Variants in SUMF1 observed in about 807,000 individuals in gnomAD.
SUMF1 encodes the protein sulfatase modifying factor 1.
Under a neutral mutation model 47.6 loss-of-function variants are expected in SUMF1, and 48 were observed. The observed-to-expected ratio is 1.01, with a 90% confidence interval of 0.80 to 1.28. The LOEUF (loss-of-function observed/expected upper bound fraction) is 1.28, where lower values mean the gene tolerates loss of function less well. Among genes scored for constraint, SUMF1 ranks in the 50% most tolerant of loss-of-function variants. The pLI is 0.00. For missense variants in SUMF1, 571 were observed against 485.4 expected, an observed-to-expected ratio of 1.18 and a Z score of -1.66; for synonymous variants, 230 against 192.1, an observed-to-expected ratio of 1.20 and a Z score of -1.63.
chr3:4,368,632 A>G (rs1324171571), intron 8 of SUMF1, among the ~76,000 whole-genome samples: 1 of 152,186 alleles, frequency 6.6e-6, no homozygotes, highest in Non-Finnish European at 1.5e-5. Flanking sequence ...TGTGGCACAT[A>G]TACACCATGG....
chr3:4,383,274 G>A (rs532347538), intron 7 of SUMF1, among the ~76,000 whole-genome samples: 2 of 152,146 alleles, frequency 1.3e-5, no homozygotes, highest in African/African-American at 4.8e-5. Flanking sequence ...AGCTTTTAGG[G>A]ATGCTGAGGC....
intron 8 of SUMF1, among the ~76,000 whole-genome samples, chr3:4,264,274 G>A (rs902913757): frequency 3.9e-5 from 6 of 152,162 alleles, no homozygotes; most frequent in Admixed American, 6.5e-5. Flanking sequence ...AGATATAGCC[G>A]TGCACAGTCC....
At chr3:4,210,338 A>T (rs1336013083) in intron 8 of SUMF1, among the ~76,000 whole-genome samples, 1 of 152,198 alleles carries the variant, frequency 6.6e-6, no homozygotes, top group Non-Finnish European at 1.5e-5. Context: ...AAGCCAATAC[A>T]ATCTTGAAAA....
At position 4,267,359 on chromosome 3, in the gene SUMF1, C is replaced by G. The variant is rs1697216916; in HGVS notation, c.1014+108971G>C. On this transcript the variant is annotated intron_variant and NMD_transcript_variant, in intron 8 of 12. Coordinates refer to the SUMF1 transcript ENST00000448413. ...GGCTGTGAATCCATCTGGTCCTGGA[C>G]TCTATTTGGTTGGTAAAGTATTGAT... Among the ~76,000 whole-genome samples the G allele has an allele frequency of 8.5e-5, 13 of 152,188 alleles. No homozygotes were observed. In the South Asian group the frequency reaches 2.7e-3, roughly 32 times the overall value.
intron 8 of SUMF1, among the ~76,000 whole-genome samples, chr3:4,288,429 T>C (rs891990270): frequency 3.3e-5 from 5 of 152,042 alleles, no homozygotes; most frequent in African/African-American, 7.2e-5. Flanking sequence ...AGAATTACTA[T>C]CATGGGTCTC....
intron 8 of SUMF1, among the ~76,000 whole-genome samples, chr3:4,336,414 G>A (rs190841447): frequency 9.2e-5 from 14 of 152,182 alleles, no homozygotes; most frequent in African/African-American, 3.1e-4. Context: ...TTTTACATAA[G>A]ATAAAGTAAG....
At chr3:4,255,600 C>T (rs1696932118) in intron 8 of SUMF1, among the ~76,000 whole-genome samples, 1 of 106,880 alleles carries the variant, frequency 9.4e-6, no homozygotes, top group Non-Finnish European at 2.0e-5. Flanking sequence ...CACAGGAGCA[C>T]CCAGATTCAT....
At chr3:4,102,589 A>T (rs1046692799) in intron 8 of SUMF1, among the ~76,000 whole-genome samples, 1 of 152,144 alleles carries the variant, frequency 6.6e-6, no homozygotes, top group African/African-American at 2.4e-5. Context: ...ACTAAGGTCT[A>T]AATATGCAAA....
intron 8 of SUMF1, among the ~76,000 whole-genome samples, chr3:4,135,577 C>T (rs987562632): frequency 6.6e-6 from 1 of 152,048 alleles, no homozygotes; most frequent in African/African-American, 2.4e-5. Context: ...ACAGGGATGC[C>T]CTCTGTCACC....
At chr3:4,226,235 C>T (rs933054118) in intron 8 of SUMF1, among the ~76,000 whole-genome samples, 1 of 151,190 alleles carries the variant, frequency 6.6e-6, no homozygotes, top group Non-Finnish European at 1.5e-5. Flanking sequence ...GCTATTACCA[C>T]CATCATGATT....
intron 8 of SUMF1, among the ~76,000 whole-genome samples, chr3:4,354,552 A>T (rs1699577170): frequency 6.6e-6 from 1 of 152,258 alleles, no homozygotes. Flanking sequence ...TTCGTGGGAC[A>T]GACCGACCGC....
chr3:4,127,594 GA>G (rs1419333150), intron 8 of SUMF1, among the ~76,000 whole-genome samples: 6 of 152,080 alleles, frequency 3.9e-5, no homozygotes, highest in African/African-American at 1.4e-4. Flanking sequence ...TTGGCGCTTG[GA>G]CTGCCTCTCC....
At chr3:4,454,294 GATGA>G (rs1703078843) in intron 1 of SUMF1, among the ~76,000 whole-genome samples, 1 of 152,162 alleles carries the variant, frequency 6.6e-6, no homozygotes, top group Non-Finnish European at 1.5e-5. Flanking sequence ...AGGATCTGAG[GATGA>G]CACTGAAAAT....
chr3:4,144,215 C>A (rs139580189), intron 8 of SUMF1, among the ~76,000 whole-genome samples: 2 of 152,030 alleles, frequency 1.3e-5, no homozygotes, highest in Non-Finnish European at 2.9e-5. Flanking sequence ...AACGCTCCCA[C>A]CTCGGTCTCC....
At chr3:4,170,921 C>T (rs1462739117) in intron 8 of SUMF1, among the ~76,000 whole-genome samples, 1 of 152,112 alleles carries the variant, frequency 6.6e-6, no homozygotes, top group East Asian at 1.9e-4. Flanking sequence ...GCATGAACTA[C>T]ATGTCAACAT....
intron 8 of SUMF1, among the ~76,000 whole-genome samples, chr3:4,183,377 G>A (rs914295049): frequency 1.3e-5 from 2 of 152,042 alleles, no homozygotes; most frequent in Admixed American, 6.6e-5. Flanking sequence ...TTATAGTCCT[G>A]ATGCTTTAGT....
chr3:4,303,846 C>T (rs1698062288), intron 8 of SUMF1: 2 of 1,333,344 alleles, frequency 1.5e-6, no homozygotes, highest in Non-Finnish European at 2.0e-6. Context: ...ATTTACCTCC[C>T]TGGTCTCAGG....
chr3:4,391,189 C>T (rs1024879566), intron 7 of SUMF1, among the ~76,000 whole-genome samples: 1 of 152,088 alleles, frequency 6.6e-6, no homozygotes, highest in African/African-American at 2.4e-5. Context: ...TTGTTATTTT[C>T]AAGATTTTGT....
intron 8 of SUMF1, among the ~76,000 whole-genome samples, chr3:4,171,624 T>C (rs1467482770): frequency 1.3e-5 from 2 of 152,270 alleles, no homozygotes; most frequent in East Asian, 3.9e-4. Context: ...CCCTCTGATA[T>C]GGAAGCACAA....
Sources: allele counts gnomAD v4.1 joint callset (sites outside exome capture counted in the v4.1 genomes callset), GRCh38; gene constraint gnomAD v4.1.1; transcripts MANE v1.5; gene names NCBI Gene and HGNC (gene_info 2026-07-23, HGNC 2026-07-21).